The following UBE2D4 variants were observed in gnomAD, a reference collection of about 807,000 sequenced individuals.
The protein encoded by UBE2D4 is ubiquitin-conjugating enzyme E2 D4.
In UBE2D4, 17 loss-of-function variants were observed where a neutral mutation model predicts 23.0. That is an observed-to-expected ratio of 0.74 (90% CI 0.51 to 1.11). The LOEUF (loss-of-function observed/expected upper bound fraction) is 1.11, where lower values mean the gene tolerates loss of function less well. Among genes scored for constraint, UBE2D4 ranks in the 50% least tolerant of loss-of-function variants. The pLI is 0.00. For missense variants in UBE2D4, 139 were observed against 181.8 expected (o/e 0.76, Z 1.35); for synonymous variants, 61 against 69.4 (o/e 0.88, Z 0.60).
chr7:43,934,712 A>G (rs185273676), intron 1 of UBE2D4, among the ~76,000 whole-genome samples: 103 of 151,922 alleles, frequency 6.8e-4, no homozygotes, highest in African/African-American at 2.5e-3. Context: ...ATTCACACAC[A>G]TGCATATGTA....
At position 43,934,888 on chromosome 7, in the gene UBE2D4, C is replaced by T. The variant is rs963513593; in HGVS notation, c.25-3543C>T. ...GCTCTAGAGCATTAACAATGCTAAG[C>T]TATAATTTTAGGGAAATATATAGTG... is the stretch of plus-strand genomic sequence containing the variant. On this transcript the variant is annotated intron_variant, in intron 1 of 6. Coordinates refer to ENST00000222402, the MANE Select transcript of UBE2D4 (RefSeq NM_015983.4). Among the ~76,000 whole-genome samples, 11 of 152,058 alleles carry T rather than the reference C, an allele frequency of 7.2e-5. 1 individual carries two copies. Among genetic ancestry groups the T allele is most frequent in the African/African-American group, 2.7e-4 (11 of 41,414 alleles).
rs534891977 is a variant in UBE2D4, at chr7:43,933,080, C to T, written c.25-5351C>T. Among the ~76,000 whole-genome samples the T allele has an allele frequency of 2.8e-5, 4 of 142,740 alleles. No individual in the cohort carries two copies. The South Asian group carries it at 6.7e-4, about 24-fold the overall frequency. 93.6% of individuals were successfully genotyped at this position (142,740 alleles called of 152,430 possible). On this transcript the variant is annotated intron_variant, in intron 1 of 6. Coordinates refer to ENST00000222402, the MANE Select transcript of UBE2D4 (RefSeq NM_015983.4). ...TAACATATATACACACATATATATACACATATGTATGTGTGTATATATATA... is the reference window on the plus strand; with the variant it reads ...TAACATATATACACACATATATATATACATATGTATGTGTGTATATATATA...
chr7:43,948,762 G>C, intron 5 of UBE2D4, 25 bp downstream of exon 5: 1 of 1,545,964 alleles, frequency 6.5e-7, no homozygotes, highest in Non-Finnish European at 8.9e-7. Context: ...GGCATGCTCT[G>C]TGTGCTCTTT....
intron 1 of UBE2D4, among the ~76,000 whole-genome samples, chr7:43,936,623 G>A (rs539277717): frequency 2.6e-5 from 4 of 152,214 alleles, no homozygotes; most frequent in African/African-American, 7.2e-5. Context: ...AACCAGTGTC[G>A]AAGTATTCTT....
chr7:43,935,918 T>C (rs1255706509), intron 1 of UBE2D4, among the ~76,000 whole-genome samples: 1 of 152,196 alleles, frequency 6.6e-6, no homozygotes, highest in Non-Finnish European at 1.5e-5. Context: ...CTGTTGGGGA[T>C]TGGAGGCTCC....
chr7:43,933,416 CT>C (rs1355185075), intron 1 of UBE2D4, among the ~76,000 whole-genome samples: 1 of 152,064 alleles, frequency 6.6e-6, no homozygotes, highest in Non-Finnish European at 1.5e-5. Flanking sequence ...GTTTAGTTAA[CT>C]TCTGATTATA....
chr7:43,950,863 T>C (rs375980301), intron 6 of UBE2D4, among the ~76,000 whole-genome samples, 171 bp downstream of exon 6: 3 of 152,186 alleles, frequency 2.0e-5, no homozygotes, highest in African/African-American at 7.2e-5. Flanking sequence ...CCTGGCTCTC[T>C]CACTAACATG....
At chr7:43,926,644 G>C (rs1411510675) in intron 1 of UBE2D4, 88 bp downstream of exon 1, 6 of 1,403,544 alleles carry the variant, frequency 4.3e-6, no homozygotes, top group African/African-American at 3.0e-5. Flanking sequence ...GAAAGGTGAC[G>C]GAGGCTCCGC....
intron 3 of UBE2D4, 22 bp from the exon 4 acceptor site, chr7:43,942,932 T>C (rs752271059): frequency 1.4e-5 from 23 of 1,614,032 alleles, no homozygotes; most frequent in Non-Finnish European, 1.9e-5. Context: ...CACTGATCTC[T>C]TTCTGTGTCT....
intron 5 of UBE2D4, among the ~76,000 whole-genome samples, chr7:43,949,854 T>C (rs2095997672): frequency 6.6e-6 from 1 of 151,504 alleles, no homozygotes; most frequent in South Asian, 2.1e-4. Flanking sequence ...TGGTTCAGAA[T>C]TTCTTTATTT....
At chr7:43,951,032 A>G (rs918211360) in intron 6 of UBE2D4, among the ~76,000 whole-genome samples, 3 of 152,230 alleles carry the variant, frequency 2.0e-5, no homozygotes, top group African/African-American at 4.8e-5. Flanking sequence ...ATCTGACAAC[A>G]AGAAAAATTC....
At chr7:43,938,021 C>G (rs1172962421) in intron 1 of UBE2D4, among the ~76,000 whole-genome samples, 1 of 152,072 alleles carries the variant, frequency 6.6e-6, no homozygotes, top group Non-Finnish European at 1.5e-5. Context: ...AACCTGGCAC[C>G]TATCCTTCTC....
At chr7:43,951,328 A>C (rs1439778836) in intron 6 of UBE2D4, among the ~76,000 whole-genome samples, 1 of 152,194 alleles carries the variant, frequency 6.6e-6, no homozygotes, top group African/African-American at 2.4e-5. Context: ...GTCATCGCCA[A>C]GTGTTAGTCT....
chr7:43,939,980 T>C (rs959976610), intron 2 of UBE2D4, among the ~76,000 whole-genome samples: 1 of 152,190 alleles, frequency 6.6e-6, no homozygotes, highest in Admixed American at 6.5e-5. Context: ...TGCCACAGAA[T>C]TGTACACTTT....
chr7:43,926,444 C>G lies in UBE2D4; in HGVS notation c.-89C>G. 1 of 1,198,016 alleles carries G rather than the reference C, an allele frequency of 8.3e-7. No individual in the cohort carries two copies. The highest frequency in any genetic ancestry group is 2.4e-5 in the South Asian group (1 of 41,190). The allele number at this position is 1,198,016 out of a possible 1,614,324, so 74.2% of individuals were successfully genotyped here. On this transcript the variant is annotated 5_prime_UTR_variant, in exon 1 of 7. Transcript: ENST00000222402. ...GCGCGCAAGCGCAGGCTGCGGCTCC[C>G]GGCGTGCAGCTTGGTGGCGGCTGAG...
At chr7:43,948,606 T>C (rs1407525041) in intron 4 of UBE2D4, 26 bp from the exon 5 acceptor site, 2 of 1,485,874 alleles carry the variant, frequency 1.3e-6, no homozygotes, top group African/African-American at 1.4e-5. Context: ...GTGGTTTGTC[T>C]GATTGGGGAT....
chr7:43,933,914 CCAT>C (rs1233467538), intron 1 of UBE2D4, among the ~76,000 whole-genome samples: 1 of 152,104 alleles, frequency 6.6e-6, no homozygotes, highest in East Asian at 1.9e-4. Context: ...TATGAGTAAA[CCAT>C]CATGGCAGTT....
intron 1 of UBE2D4, among the ~76,000 whole-genome samples, chr7:43,929,425 TAAA>T (rs567859682): frequency 8.1e-6 from 1 of 123,924 alleles, no homozygotes; most frequent in African/African-American, 3.0e-5. Flanking sequence ...GACTCTGTCT[TAAA>T]AAAAAAAAAA....
In UBE2D4 at chr7:43,952,810, C is replaced by G; in HGVS notation, c.*115C>G. Reference sequence around the variant, plus strand: ...CAAAGAGCATCATCTGTTCTTCAAACAAATGTTGGTCACCCACTCTCTCCA... The same window carrying G: ...CAAAGAGCATCATCTGTTCTTCAAAGAAATGTTGGTCACCCACTCTCTCCA... On this transcript the variant is annotated 3_prime_UTR_variant, in exon 7 of 7. Coordinates refer to ENST00000222402, the MANE Select transcript of UBE2D4 (RefSeq NM_015983.4). 1.1e-6 allele frequency: 1 copy of G among 880,652 alleles called. No homozygotes were observed. The highest frequency in any genetic ancestry group is 1.9e-6 in the Non-Finnish European group (1 of 527,762). 54.6% of individuals were successfully genotyped at this position (880,652 alleles called of 1,614,324 possible).
Sources: gnomAD v4.1 joint callset for allele counts (sites outside exome capture counted in the v4.1 genomes callset) on GRCh38, gnomAD v4.1.1 for gene constraint, MANE v1.5 for transcripts, NCBI Gene and HGNC (gene_info 2026-07-23, HGNC 2026-07-21) for gene names.